Variants in ASTN2 observed in about 807,000 individuals in gnomAD.
ASTN2 encodes the protein astrotactin 2, also known as astrotactin-2.
Under a neutral mutation model 139.8 loss-of-function variants are expected in ASTN2, and 54 were observed. The ratio of observed to expected loss-of-function variants is 0.39; its 90% CI spans 0.31 to 0.48. The LOEUF is 0.48. Among genes scored for constraint, ASTN2 ranks in the 20% least tolerant of loss-of-function variants. ASTN2 has a pLI of 0.95. For missense variants in ASTN2, 1,565 were observed against 1,725.1 expected, an observed-to-expected ratio of 0.91 and a Z score of 1.64; for synonymous variants, 756 against 719.5, an observed-to-expected ratio of 1.05 and a Z score of -0.81.
chr9:116,879,657 C>G (rs1833401818), intron 10 of ASTN2, among the ~76,000 whole-genome samples: 1 of 152,182 alleles, frequency 6.6e-6, no homozygotes. Context: ...GTCTGGAACA[C>G]TGTGCAGGCA....
rs377708010 is a variant in ASTN2, at chr9:117,230,297, CA to C, written c.631-15556del. Among the ~76,000 whole-genome samples, 628 of 152,252 alleles carry C rather than the reference CA, an allele frequency of 4.1e-3. 6 individuals carry two copies. Among genetic ancestry groups the C allele is most frequent in the South Asian group, 0.024 (117 of 4,820 alleles). ...GGTACAAGCAGGGCCAAGCTCCCTC[CA>C]AAGGCTCTACAGGAGACTCCTCCCT... is the stretch of plus-strand genomic sequence containing the variant. On this transcript the variant is annotated intron_variant, in intron 2 of 22. Coordinates refer to ENST00000313400, the MANE Select transcript of ASTN2 (RefSeq NM_001365068.1).
At chr9:117,368,190 C>T (rs911056515) in intron 1 of ASTN2, among the ~76,000 whole-genome samples, 1 of 152,018 alleles carries the variant, frequency 6.6e-6, no homozygotes, top group Admixed American at 6.6e-5. Flanking sequence ...CTTGAAAAGG[C>T]ACAGCAACAA....
intron 3 of ASTN2, among the ~76,000 whole-genome samples, chr9:117,200,831 G>C (rs1831685773): frequency 6.6e-6 from 1 of 151,996 alleles, no homozygotes; most frequent in Non-Finnish European, 1.5e-5. Context: ...TTCTTTCTTT[G>C]TTGTGTCTCT....
intron 13 of ASTN2, among the ~76,000 whole-genome samples, chr9:116,791,007 G>A (rs984489334): frequency 8.1e-6 from 1 of 123,912 alleles, no homozygotes; most frequent in Non-Finnish European, 1.7e-5. Context: ...AAGAAAGAAA[G>A]AAAGAAAGAA....
At chr9:117,211,871 G>GA (rs1262350074) in intron 3 of ASTN2, among the ~76,000 whole-genome samples, 2 of 151,728 alleles carry the variant, frequency 1.3e-5, no homozygotes, top group African/African-American at 4.8e-5. Context: ...ATCTCTACAA[G>GA]AAAAATATAA....
chr9:116,884,032 T>C (rs563243153), intron 10 of ASTN2, among the ~76,000 whole-genome samples: 2 of 152,226 alleles, frequency 1.3e-5, no homozygotes, highest in East Asian at 3.9e-4. Context: ...GAAGAGGGGC[T>C]TCCACCTTGC....
chr9:116,493,190 G>T (rs1849569912), intron 19 of ASTN2, among the ~76,000 whole-genome samples: 1 of 152,084 alleles, frequency 6.6e-6, no homozygotes, highest in African/African-American at 2.4e-5. Flanking sequence ...TTGCATCTGA[G>T]CCCCATGCAC....
chr9:116,743,251 C>A (rs767257196), intron 13 of ASTN2, among the ~76,000 whole-genome samples: 3 of 152,026 alleles, frequency 2.0e-5, no homozygotes, highest in Non-Finnish European at 2.9e-5. Context: ...TATCCTTAAT[C>A]AAAAAATGGA....
intron 16 of ASTN2, among the ~76,000 whole-genome samples, chr9:116,669,546 C>A (rs1022382386): frequency 4.6e-5 from 7 of 152,286 alleles, no homozygotes; most frequent in Admixed American, 1.3e-4. Context: ...TTTTCATATG[C>A]TTATTTGCCA....
intron 6 of ASTN2, among the ~76,000 whole-genome samples, chr9:117,035,716 A>G (rs1407854375): frequency 3.3e-5 from 5 of 152,138 alleles, no homozygotes; most frequent in Non-Finnish European, 7.4e-5. Context: ...CATGCTGGGG[A>G]AGGTGAGCTT....
At chr9:117,288,227 G>A (rs1194302929) in intron 2 of ASTN2, among the ~76,000 whole-genome samples, 2 of 152,138 alleles carry the variant, frequency 1.3e-5, no homozygotes, top group African/African-American at 4.8e-5. Context: ...TTCAGATGAT[G>A]CAACCTTTGG....
chr9:117,060,406 GAAA>G (rs1237127139), intron 5 of ASTN2, among the ~76,000 whole-genome samples: 4,981 of 70,568 alleles, frequency 0.071, 229 homozygotes, highest in Middle Eastern at 0.094. Context: ...AAGAAAGAAA[GAAA>G]GAAGGAAAGG....
At chr9:116,777,529 C>T (rs773555682) in intron 13 of ASTN2, among the ~76,000 whole-genome samples, 1 of 152,060 alleles carries the variant, frequency 6.6e-6, no homozygotes, top group Non-Finnish European at 1.5e-5. Flanking sequence ...CATCAGTTTA[C>T]ATCAAAATCA....
intron 1 of ASTN2, among the ~76,000 whole-genome samples, chr9:117,354,891 T>G (rs575995325): frequency 6.6e-6 from 1 of 152,352 alleles, no homozygotes; most frequent in African/African-American, 2.4e-5. Flanking sequence ...GCCCTAGTTA[T>G]AAGTTATCAA....
chr9:116,699,354 G>T lies in ASTN2; in HGVS notation c.2806+26417C>A. 1 of 1,614,194 alleles carries T rather than the reference G, an allele frequency of 6.2e-7. No homozygotes were observed. The highest frequency in any genetic ancestry group is 8.5e-7 in the Non-Finnish European group (1 of 1,180,040). ...CACCCAGGGCTTAGGCCTCAATCTG[G>T]AGAATCGGCAGAATGAGCACCACCT... On this transcript the variant is annotated intron_variant, in intron 16 of 22. Coordinates refer to ENST00000313400, the MANE Select transcript of ASTN2 (RefSeq NM_001365068.1). This position sits in a 1 kb window ranked among gnomAD's most constrained non-coding sequence, Gnocchi z 4.2.
At position 117,060,333 on chromosome 9, in the gene ASTN2, AGAAAGAAAGAGAG is replaced by A. The variant is rs1564406165; in HGVS notation, c.1277-20381_1277-20369del. Among the ~76,000 whole-genome samples the A allele has an allele frequency of 5.1e-5, 4 of 78,714 alleles. 1 individual carries two copies. Among genetic ancestry groups the A allele is most frequent in the African/African-American group, 2.0e-4 (3 of 15,318 alleles). 51.6% of individuals were successfully genotyped at this position (78,714 alleles called of 152,430 possible). On this transcript the variant is annotated intron_variant, in intron 5 of 22. Transcript: ENST00000313400. ...CAAAAAAGAAAAAAGAAAGAAAGAAAGAAAGAAAGAGAGAAAGAAAGAAAGAAAGAAAGAAAGA... is the reference window on the plus strand; with the variant it reads ...CAAAAAAGAAAAAAGAAAGAAAGAAAAAAGAAAGAAAGAAAGAAAGAAAGA...
intron 13 of ASTN2, among the ~76,000 whole-genome samples, chr9:116,772,904 T>A (rs188631881): frequency 5.2e-4 from 79 of 152,206 alleles, no homozygotes; most frequent in African/African-American, 1.5e-3. Flanking sequence ...ATACACCAAA[T>A]GGCATAGTCA....
chr9:116,479,897 T>A (rs1849111684), intron 20 of ASTN2, among the ~76,000 whole-genome samples: 1 of 152,184 alleles, frequency 6.6e-6, no homozygotes. Flanking sequence ...GTTCAGGCAG[T>A]GGAGATAAAC....
At chr9:116,774,006 G>T (rs1830018765) in intron 13 of ASTN2, among the ~76,000 whole-genome samples, 2 of 152,140 alleles carry the variant, frequency 1.3e-5, no homozygotes, top group South Asian at 4.1e-4. Flanking sequence ...AGAATCATAG[G>T]ATATAAAAAC....
Sources: allele counts gnomAD v4.1 joint callset (sites outside exome capture counted in the v4.1 genomes callset), GRCh38; gene constraint gnomAD v4.1.1; non-coding constraint Gnocchi (gnomAD v3.1); transcripts MANE v1.5; gene names NCBI Gene and HGNC (gene_info 2026-07-23, HGNC 2026-07-21).